The following TXLNB variants were observed in gnomAD, a reference collection of about 807,000 sequenced individuals.
The protein encoded by TXLNB is taxilin beta.
A neutral mutation model predicts 57.4 loss-of-function variants in TXLNB; 37 were observed. The observed-to-expected ratio is 0.64, with a 90% CI of 0.50 to 0.85. TXLNB has a LOEUF of 0.85. TXLNB is among the 40% of genes least tolerant of loss of function. The pLI, the probability that TXLNB is intolerant of heterozygous loss-of-function variation, is 0.00. For missense variants in TXLNB, 848 were observed against 825.6 expected (o/e 1.03, Z -0.33); for synonymous variants, 302 against 309.6 (o/e 0.98, Z 0.26).
chr6:139,316,944 C>A, the TXLNB span, among the ~76,000 whole-genome samples: 5 of 152,294 alleles, frequency 3.3e-5, no homozygotes, highest in South Asian at 4.1e-4. Flanking sequence ...ACTTGAGGAT[C>A]CAAGACTGGA....
At chr6:139,208,195 G>A in the TXLNB span, among the ~76,000 whole-genome samples, 11 of 152,146 alleles carry the variant, frequency 7.2e-5, no homozygotes, top group Admixed American at 7.2e-4. Flanking sequence ...GGAATCTAGA[G>A]GAGATGGATA....
chr6:139,212,640 A>G, the TXLNB span, among the ~76,000 whole-genome samples: 1 of 152,162 alleles, frequency 6.6e-6, no homozygotes, highest in Non-Finnish European at 1.5e-5. Flanking sequence ...ACTAACCTTA[A>G]ATGTAAATGG....
chr6:139,314,538 C>G, the TXLNB span, among the ~76,000 whole-genome samples: 2 of 152,206 alleles, frequency 1.3e-5, no homozygotes, highest in Non-Finnish European at 2.9e-5. Flanking sequence ...CTCCCTACAT[C>G]GCATAAAACC....
the TXLNB span, among the ~76,000 whole-genome samples, chr6:139,160,474 C>T: frequency 6.6e-6 from 1 of 152,182 alleles, no homozygotes; most frequent in Non-Finnish European, 1.5e-5. Context: ...AGGTTTCACT[C>T]ATTGCCGAGG....
intron 4 of TXLNB, among the ~76,000 whole-genome samples, chr6:139,270,200 C>CG (rs1776722370): frequency 6.6e-6 from 1 of 152,092 alleles, no homozygotes; most frequent in Admixed American, 6.6e-5. Flanking sequence ...AGGTACTGTG[C>CG]GGGTACCTTA....
chr6:139,189,987 G>A, the TXLNB span, among the ~76,000 whole-genome samples: 17,981 of 152,144 alleles, frequency 0.12, 1,623 homozygotes, highest in African/African-American at 0.22. Flanking sequence ...CAAATGTGCT[G>A]GCAGCTGTGG....
chr6:139,288,612 G>T lies in TXLNB; in HGVS notation c.288C>A (p.Asp96Glu). The T allele has an allele frequency of 6.2e-7, 1 of 1,614,188 alleles. No individual in the cohort carries two copies. The highest frequency in any genetic ancestry group is 8.5e-7 in the Non-Finnish European group (1 of 1,180,048). ...SEQPENAESP[D>E]NEDGDCEETT... ...TTTCCTCACAGTCCCCATCCTCGTT[G>T]TCAGGTGATTCTGCATTCTCAGGCT... Residue 96 changes from aspartate to glutamate, a missense_variant, in exon 2 of 10, where the codon GAC (aspartate) becomes GAA (glutamate). Asp to Glu is a conservative substitution (Grantham distance 45). Coordinates refer to ENST00000358430, the MANE Select transcript of TXLNB (RefSeq NM_153235.4).
At chr6:139,160,039 G>A in the TXLNB span, among the ~76,000 whole-genome samples, 14 of 152,290 alleles carry the variant, frequency 9.2e-5, no homozygotes, top group East Asian at 2.5e-3. Flanking sequence ...CTCAAGTGAG[G>A]GCAGGATGCA....
chr6:139,216,532 G>A, the TXLNB span, among the ~76,000 whole-genome samples: 1 of 151,286 alleles, frequency 6.6e-6, no homozygotes, highest in East Asian at 1.9e-4. Context: ...GCTAAACGAC[G>A]AATTAATGGG....
chr6:139,190,002 T>C, the TXLNB span, among the ~76,000 whole-genome samples: 1 of 152,196 alleles, frequency 6.6e-6, no homozygotes, highest in South Asian at 2.1e-4. Context: ...CTGTGGGGAA[T>C]TCAGACAATT....
At chr6:139,295,181 G>T (rs986640350), upstream of TXLNB, among the ~76,000 whole-genome samples, 17 of 152,088 alleles carry the variant, frequency 1.1e-4, no homozygotes, top group Non-Finnish European at 2.1e-4. Context: ...TGGCTACCCA[G>T]ATCCAAAACA....
chr6:139,253,487 A>G (rs542458258), intron 7 of TXLNB, among the ~76,000 whole-genome samples: 16 of 152,272 alleles, frequency 1.1e-4, no homozygotes, highest in African/African-American at 3.9e-4. Flanking sequence ...GATTCATTAT[A>G]GCATTTTCAT....
At chr6:139,218,295 T>G in the TXLNB span, among the ~76,000 whole-genome samples, 14 of 152,212 alleles carry the variant, frequency 9.2e-5, no homozygotes, top group Non-Finnish European at 1.9e-4. Context: ...ATATAAAATA[T>G]ACTTTATTAA....
the TXLNB span, among the ~76,000 whole-genome samples, chr6:139,305,893 T>A: frequency 1.3e-5 from 2 of 152,150 alleles, no homozygotes; most frequent in African/African-American, 2.4e-5. Context: ...GAGTTTGCAT[T>A]TTTTTAATCC....
chr6:139,227,652 G>A, the TXLNB span, among the ~76,000 whole-genome samples: 10 of 152,096 alleles, frequency 6.6e-5, no homozygotes, highest in African/African-American at 2.2e-4. Context: ...AGTCAACATC[G>A]GAATAGATAA....
the TXLNB span, among the ~76,000 whole-genome samples, chr6:139,160,989 A>G: frequency 6.6e-6 from 1 of 151,938 alleles, no homozygotes; most frequent in African/African-American, 2.4e-5. Flanking sequence ...GGCATCAGAC[A>G]CCTCTCTTCT....
chr6:139,189,559 A>G, the TXLNB span, among the ~76,000 whole-genome samples: 40 of 152,356 alleles, frequency 2.6e-4, no homozygotes, highest in East Asian at 7.7e-3. Context: ...ACCCAAAAGA[A>G]AGGAAATAAG....
chr6:139,193,241 C>CTTTTTTTTTTTTTTTTT, the TXLNB span, among the ~76,000 whole-genome samples: 3 of 101,210 alleles, frequency 3.0e-5, no homozygotes, highest in Admixed American at 1.1e-4. Context: ...CTTTGACCCT[C>CTTTTTTTTTTTTTTTTT]TTTTTTTTTT....
the TXLNB span, among the ~76,000 whole-genome samples, chr6:139,300,843 C>T: frequency 6.6e-6 from 1 of 152,048 alleles, no homozygotes; most frequent in Non-Finnish European, 1.5e-5. Context: ...TGCAGTGAGC[C>T]GAGATTGCAC....
Sources: allele counts gnomAD v4.1 joint callset (sites outside exome capture counted in the v4.1 genomes callset), GRCh38; gene constraint gnomAD v4.1.1; transcripts MANE v1.5; gene names NCBI Gene and HGNC (gene_info 2026-07-23, HGNC 2026-07-21).